Variants in ZC4H2 observed in about 807,000 individuals in gnomAD.
The protein encoded by ZC4H2 is zinc finger C4H2-type containing, also known as zinc finger C4H2 domain-containing protein.
For missense variants in ZC4H2, 137 were observed against 173.9 expected (o/e 0.79, Z 1.19); for synonymous variants, 84 against 66.3 (o/e 1.27, Z -1.30).
chrX:64,943,717 T>A (rs1342168523), intron 1 of ZC4H2, among the ~76,000 whole-genome samples: 6 of 111,691 alleles, frequency 5.4e-5, no homozygotes, highest in African/African-American at 2.0e-4. Flanking sequence ...TGAGCGCATG[T>A]GTATCTTTGC....
Position 64,967,084 on chromosome X carries a change from G to A in ZC4H2, c.53+9241C>T, listed in dbSNP as rs534357404. 2.2e-4 allele frequency among the ~76,000 whole-genome samples: 25 copies of A among 111,519 alleles called. No homozygotes were observed. In the East Asian group the frequency reaches 3.9e-3, roughly 17 times the overall value. ...ATAAATGACTTGTCAAAAGGCTTACGTAGAGGGAATGGATTTTTTTAAAGT... is the reference window on the plus strand; with the variant it reads ...ATAAATGACTTGTCAAAAGGCTTACATAGAGGGAATGGATTTTTTTAAAGT... On this transcript the variant is annotated intron_variant, in intron 1 of 4. Coordinates refer to ENST00000374839, the MANE Select transcript of ZC4H2 (RefSeq NM_018684.4).
chrX:64,996,618 A>T (rs1271044658), intron 1 of ZC4H2, among the ~76,000 whole-genome samples: 1 of 112,284 alleles, frequency 8.9e-6, no homozygotes, highest in Admixed American at 9.5e-5. Flanking sequence ...GAACAAAATT[A>T]AAATATTCAT....
intron 1 of ZC4H2, among the ~76,000 whole-genome samples, chrX:64,999,759 G>A (rs753909243): frequency 4.5e-5 from 5 of 111,838 alleles, no homozygotes; most frequent in Non-Finnish European, 9.4e-5. Flanking sequence ...GTAGGGGGAC[G>A]GGCATCCACC....
intron 1 of ZC4H2, among the ~76,000 whole-genome samples, chrX:64,928,796 TCTC>T (rs1476733444): frequency 2.0e-5 from 2 of 98,649 alleles, no homozygotes; most frequent in Non-Finnish European, 4.0e-5. Flanking sequence ...TTCTTTTTCT[TCTC>T]CTTCTTCTTC....
At chrX:64,989,016 A>T (rs1458440327) in intron 1 of ZC4H2, among the ~76,000 whole-genome samples, 1 of 112,039 alleles carries the variant, frequency 8.9e-6, no homozygotes, top group African/African-American at 3.3e-5. Flanking sequence ...TTTGTCAAAG[A>T]TCAGATAGTT....
At position 65,012,677 on chromosome X, in the gene ZC4H2, T is replaced by A. The variant is rs112099908; in HGVS notation, c.-272+21952A>T. Among the ~76,000 whole-genome samples, 763 of 112,042 alleles carry A rather than the reference T, an allele frequency of 6.8e-3. 9 individuals are homozygous for A. The highest frequency in any genetic ancestry group is 0.023 in the African/African-American group (725 of 30,852). On this transcript the variant is annotated intron_variant, in intron 1 of 4. Coordinates refer to the ZC4H2 transcript ENST00000337990. ...CATGACTACATCAGGTAGGCATGGT[T>A]TCAGCAGCAATAAACAATTCCAACT...
At position 64,921,806 on chromosome X, in the gene ZC4H2, C is replaced by A. The variant is rs778876504; in HGVS notation, c.225+11G>T. On this transcript the variant is annotated intron_variant, in intron 2 of 4. Coordinates refer to ENST00000374839, the MANE Select transcript of ZC4H2 (RefSeq NM_018684.4). The stretch of plus-strand genomic sequence containing the variant: ...AAAGGCTTTAGAGATAGGCTCCAGG[C>A]AGCCACGTACCACATTGATGTCAGC... 8 of 1,205,319 alleles carry A rather than the reference C, an allele frequency of 6.6e-6. No individual in the cohort carries two copies. In the South Asian group the frequency reaches 1.1e-4, roughly 16 times the overall value.
At chrX:64,977,973 C>T (rs1331868368), upstream of ZC4H2, among the ~76,000 whole-genome samples, 24 of 111,512 alleles carry the variant, frequency 2.2e-4, no homozygotes. Context: ...ACTCAGCGTG[C>T]ACAAACAGGC....
At chrX:64,947,978 T>G (rs1930618711) in intron 1 of ZC4H2, among the ~76,000 whole-genome samples, 1 of 111,597 alleles carries the variant, frequency 9.0e-6, no homozygotes, top group Non-Finnish European at 1.9e-5. Flanking sequence ...ACATTTAATT[T>G]GGCTGATTTT....
chrX:64,942,696 G>A (rs1044386971), intron 1 of ZC4H2, among the ~76,000 whole-genome samples: 59 of 111,649 alleles, frequency 5.3e-4, no homozygotes, highest in African/African-American at 1.8e-3. Context: ...ATTCCATGGT[G>A]TATAATGCCA....
chrX:65,007,011 T>C (rs1932676217), intron 1 of ZC4H2, among the ~76,000 whole-genome samples: 1 of 112,388 alleles, frequency 8.9e-6, no homozygotes, highest in Admixed American at 9.4e-5. Context: ...AAACCAGCTA[T>C]ACTTTACTAA....
intron 1 of ZC4H2, among the ~76,000 whole-genome samples, chrX:64,949,498 C>A (rs759111879): frequency 9.0e-6 from 1 of 111,686 alleles, no homozygotes; most frequent in South Asian, 3.7e-4. Flanking sequence ...TATGCGACCT[C>A]TAACTTGGAA....
chrX:65,031,400 C>G (rs1932932235), intron 1 of ZC4H2, among the ~76,000 whole-genome samples: 1 of 111,363 alleles, frequency 9.0e-6, no homozygotes, highest in African/African-American at 3.3e-5. Context: ...TTGACATCTT[C>G]TTCTATGACT....
chrX:64,932,791 G>GT lies in ZC4H2; in HGVS notation c.54-10804dup, dbSNP rs781450995. ...TTTATCTCACAGCTCTTAAAATTATGTTTTTTTTAATCTTGACTTTAGATA... is the reference window on the plus strand; with the variant it reads ...TTTATCTCACAGCTCTTAAAATTATGTTTTTTTTTAATCTTGACTTTAGATA... On this transcript the variant is annotated intron_variant, in intron 1 of 4. Transcript: ENST00000374839. 2.1e-3 allele frequency among the ~76,000 whole-genome samples: 230 copies of GT among 110,600 alleles called. 1 individual carries two copies. Among genetic ancestry groups the GT allele is most frequent in the African/African-American group, 6.5e-3 (198 of 30,581 alleles).
rs191258533 is a variant in ZC4H2, at chrX:64,981,762, C to A, written c.-272+52867G>T. 4.5e-5 allele frequency among the ~76,000 whole-genome samples: 5 copies of A among 111,283 alleles called. No individual in the cohort carries two copies. In the East Asian group the frequency reaches 1.4e-3, roughly 32 times the overall value. ...CACTCTCTCAGAAAATTTTCATGTT[C>A]TCCATCACTTCAGCCCTTCAGCTGG... On this transcript the variant is annotated intron_variant, in intron 1 of 4. Transcript: ENST00000337990.
At chrX:64,926,940 G>A (rs1929448422) in intron 1 of ZC4H2, among the ~76,000 whole-genome samples, 1 of 111,409 alleles carries the variant, frequency 9.0e-6, no homozygotes, top group Non-Finnish European at 1.9e-5. Context: ...TATATACACT[G>A]AGGGACAACC....
intron 1 of ZC4H2, among the ~76,000 whole-genome samples, chrX:64,927,626 T>C (rs1929488456): frequency 8.9e-6 from 1 of 112,398 alleles, no homozygotes; most frequent in Non-Finnish European, 1.9e-5. Context: ...CAATGATTTA[T>C]AATCCTTTGG....
chrX:64,926,433 A>T (rs944234715), intron 1 of ZC4H2, among the ~76,000 whole-genome samples: 4 of 112,000 alleles, frequency 3.6e-5, no homozygotes, highest in African/African-American at 1.3e-4. Flanking sequence ...GCTGGGTTAT[A>T]TGATAATTGC....
At chrX:64,976,279 A>G in intron 1 of ZC4H2, 46 bp downstream of exon 1, 5 of 1,183,117 alleles carry the variant, frequency 4.2e-6, no homozygotes, top group Non-Finnish European at 5.8e-6. Context: ...CTCTCCCGCA[A>G]CGAAGGGTTG....
Sources: allele counts gnomAD v4.1 joint callset (sites outside exome capture counted in the v4.1 genomes callset), GRCh38; gene constraint gnomAD v4.1.1; transcripts MANE v1.5; gene names NCBI Gene and HGNC (gene_info 2026-07-23, HGNC 2026-07-21).